The following LPCAT1 variants were observed in gnomAD, a reference collection of about 807,000 sequenced individuals.
LPCAT1 encodes the protein 1-acylglycerol-3-phosphate O-acyltransferase.
LPCAT1 carries 23 observed loss-of-function variants against 60.9 expected under a neutral mutation model. That is an observed-to-expected ratio of 0.38 (90% CI 0.27 to 0.53). The LOEUF is 0.53. Among genes scored for constraint, LPCAT1 ranks in the 20% least tolerant of loss-of-function variants. LPCAT1 has a pLI of 0.82. For synonymous variants in LPCAT1, 340 were observed against 301.1 expected (o/e 1.13, Z -1.34); for missense variants, 622 against 723.6 (o/e 0.86, Z 1.61).
chr5:1,491,069 C>G (rs1579787292), intron 3 of LPCAT1, among the ~76,000 whole-genome samples: 2 of 151,604 alleles, frequency 1.3e-5, no homozygotes, highest in Non-Finnish European at 2.9e-5. Context: ...AAAATTGAAG[C>G]CAAAAAAAGA....
chr5:1,473,410 C>T (rs1734768391), intron 11 of LPCAT1, among the ~76,000 whole-genome samples: 1 of 152,262 alleles, frequency 6.6e-6, no homozygotes, highest in South Asian at 2.1e-4. Flanking sequence ...CTTCCTAAAA[C>T]CCCGAGGCTG....
chr5:1,486,094 C>T (rs1051469927), intron 5 of LPCAT1, among the ~76,000 whole-genome samples: 2 of 152,170 alleles, frequency 1.3e-5, no homozygotes, highest in South Asian at 4.1e-4. Context: ...CCCAGTCAGC[C>T]GATCCTGCTC....
intron 1 of LPCAT1, among the ~76,000 whole-genome samples, chr5:1,518,110 C>G (rs1736561101): frequency 6.6e-6 from 1 of 152,268 alleles, no homozygotes; most frequent in East Asian, 1.9e-4. Flanking sequence ...TGCGGCCTCT[C>G]TCGAGCCCAC....
At chr5:1,493,910 A>T (rs1375931591) in intron 3 of LPCAT1, among the ~76,000 whole-genome samples, 1 of 152,264 alleles carries the variant, frequency 6.6e-6, no homozygotes, top group Non-Finnish European at 1.5e-5. Flanking sequence ...ACTGGTCCTT[A>T]TAAGAGACTC....
intron 2 of LPCAT1, among the ~76,000 whole-genome samples, chr5:1,501,024 G>A (rs1316338218): frequency 6.6e-6 from 1 of 152,204 alleles, no homozygotes. Context: ...GTCTGGGGGA[G>A]GCCACCATGG....
chr5:1,503,614 C>T (rs1736094476), intron 1 of LPCAT1, among the ~76,000 whole-genome samples: 1 of 152,256 alleles, frequency 6.6e-6, no homozygotes, highest in Admixed American at 6.5e-5. Context: ...CTGTCCGCTC[C>T]TGTCACTTCC....
intron 1 of LPCAT1, among the ~76,000 whole-genome samples, chr5:1,506,431 G>A (rs1736189769): frequency 6.6e-6 from 1 of 152,128 alleles, no homozygotes; most frequent in Non-Finnish European, 1.5e-5. Context: ...CTGCCCACCT[G>A]TCTCCACAGG....
At position 1,483,853 on chromosome 5, in the gene LPCAT1, C is replaced by T. The variant is rs1011678233; in HGVS notation, c.668-367G>A. ...GTAACATCGCGCACCAGCTGGAAGG[C>T]GTCTGTGGAGGGACACTTGCTATTA... On this transcript the variant is annotated intron_variant, in intron 5 of 13. Coordinates refer to ENST00000283415, the MANE Select transcript of LPCAT1 (RefSeq NM_024830.5). The surrounding 1 kb of genome is among the most constrained non-coding windows in gnomAD (Gnocchi z 9.2). 4.1e-5 allele frequency among the ~76,000 whole-genome samples: 6 copies of T among 146,830 alleles called. No individual in the cohort carries two copies. The highest frequency in any genetic ancestry group is 2.0e-4 in the East Asian group (1 of 4,940).
At chr5:1,492,075 A>C (rs751879662) in intron 3 of LPCAT1, among the ~76,000 whole-genome samples, 3 of 149,430 alleles carry the variant, frequency 2.0e-5, no homozygotes, top group Non-Finnish European at 4.4e-5. Flanking sequence ...GGACCATGGG[A>C]GATGTCTCTG....
intron 8 of LPCAT1, 100 bp downstream of exon 8, chr5:1,479,521 T>C: frequency 2.3e-6 from 2 of 857,744 alleles, no homozygotes; most frequent in South Asian, 1.4e-5. Flanking sequence ...AGACAGGTGA[T>C]ATGCCACATT....
At chr5:1,498,589 A>G (rs556723172) in intron 2 of LPCAT1, among the ~76,000 whole-genome samples, 20 of 152,238 alleles carry the variant, frequency 1.3e-4, no homozygotes, top group Non-Finnish European at 2.4e-4. Context: ...ATGTACATAC[A>G]TCATACATAT....
At chr5:1,464,914 A>G (rs1734282942) in intron 13 of LPCAT1, among the ~76,000 whole-genome samples, 1 of 151,274 alleles carries the variant, frequency 6.6e-6, no homozygotes, top group African/African-American at 2.4e-5. Flanking sequence ...CTAAACACAC[A>G]TGCGTGCACA....
intron 13 of LPCAT1, among the ~76,000 whole-genome samples, chr5:1,464,477 GC>G (rs900160517): frequency 6.6e-6 from 1 of 151,474 alleles, no homozygotes; most frequent in African/African-American, 2.4e-5. Flanking sequence ...GCTGGTCGGT[GC>G]CCACTACAAA....
rs746846577 is a variant in LPCAT1 at position 1,518,127 on chromosome 5, C to T, written c.135+5583G>A. On this transcript the variant is annotated intron_variant, in intron 1 of 13. Transcript: ENST00000283415. Reference sequence around the variant, plus strand: ...CGGCCTCTCTCGAGCCCACCCACTCCTGACCCTGGGTCCCACAGGGTGGGG... The same window carrying T: ...CGGCCTCTCTCGAGCCCACCCACTCTTGACCCTGGGTCCCACAGGGTGGGG... 1.5e-4 allele frequency among the ~76,000 whole-genome samples: 23 copies of T among 152,386 alleles called. 1 individual carries two copies. Among genetic ancestry groups the T allele is most frequent in the Admixed American group, 5.2e-4 (8 of 15,314 alleles).
At chr5:1,511,789 G>T (rs1180558027) in intron 1 of LPCAT1, among the ~76,000 whole-genome samples, 1 of 152,228 alleles carries the variant, frequency 6.6e-6, no homozygotes, top group East Asian at 1.9e-4. Context: ...CCTCCAGGAG[G>T]GAGGTCCATC....
intron 12 of LPCAT1, among the ~76,000 whole-genome samples, chr5:1,469,094 G>A (rs1446705726): frequency 6.6e-6 from 1 of 152,246 alleles, no homozygotes; most frequent in Non-Finnish European, 1.5e-5. Context: ...AGCTGCTGAG[G>A]GTGGAGGTGA....
intron 13 of LPCAT1, among the ~76,000 whole-genome samples, chr5:1,465,614 C>T (rs1560945595): frequency 6.6e-6 from 1 of 151,370 alleles, no homozygotes; most frequent in Non-Finnish European, 1.5e-5. Flanking sequence ...AACACGTGCG[C>T]ACACACACAA....
Position 1,489,733 on chromosome 5 carries a change from C to A in LPCAT1, c.606+13G>T, listed in dbSNP as rs375508039. ...TAAAACCACTGAAACACAATCAGGG[C>A]TACGTGCATTACCTGTGGCCACTTT... On this transcript the variant is annotated intron_variant, in intron 4 of 13. Coordinates refer to ENST00000283415, the MANE Select transcript of LPCAT1 (RefSeq NM_024830.5). The A allele has an allele frequency of 3.2e-6, 5 of 1,551,970 alleles. No individual in the cohort carries two copies. The African/African-American group carries it at 5.4e-5, about 17-fold the overall frequency.
chr5:1,513,607 C>G (rs1015174346), intron 1 of LPCAT1, among the ~76,000 whole-genome samples: 2 of 152,186 alleles, frequency 1.3e-5, no homozygotes, highest in Non-Finnish European at 2.9e-5. Context: ...TGACCCATTT[C>G]CACAGGCTCT....
Sources: allele counts gnomAD v4.1 joint callset (sites outside exome capture counted in the v4.1 genomes callset), GRCh38; gene constraint gnomAD v4.1.1; non-coding constraint Gnocchi (gnomAD v3.1); transcripts MANE v1.5; gene names NCBI Gene and HGNC (gene_info 2026-07-23, HGNC 2026-07-21).